TTLL3: variants seen among roughly 807,000 people sequenced by gnomAD.
TTLL3 encodes the protein tubulin monoglycylase TTLL3.
In TTLL3, 63 loss-of-function variants were observed where a neutral mutation model predicts 75.2. The ratio of observed to expected loss-of-function variants is 0.84; its 90% CI spans 0.68 to 1.03. The LOEUF is 1.03. TTLL3 is among the 50% of genes least tolerant of loss of function. The pLI is 0.00. For synonymous variants in TTLL3, 393 were observed against 418.5 expected, an observed-to-expected ratio of 0.94 and a Z score of 0.74; for missense variants, 997 against 1,069.9, an observed-to-expected ratio of 0.93 and a Z score of 0.95.
At chr3:9,820,517 G>A in intron 7 of TTLL3, 29 bp from the exon 8 acceptor site, 1 of 1,611,940 alleles carries the variant, frequency 6.2e-7, no homozygotes, top group Non-Finnish European at 8.5e-7. Flanking sequence ...CTTGATATGG[G>A]ATCGTGACAG....
At chr3:9,814,874 A>G (rs1290909462) in intron 4 of TTLL3, among the ~76,000 whole-genome samples, 2 of 152,018 alleles carry the variant, frequency 1.3e-5, no homozygotes, top group African/African-American at 2.4e-5. Flanking sequence ...TGTGGAGGAC[A>G]TGCACGTTGA....
At chr3:9,831,668 T>C (rs1374285390) in intron 11 of TTLL3, among the ~76,000 whole-genome samples, 1 of 152,244 alleles carries the variant, frequency 6.6e-6, no homozygotes, top group Non-Finnish European at 1.5e-5. Flanking sequence ...TTTATTAGAG[T>C]TGCAAAATGG....
chr3:9,812,918 G>T, intron 2 of TTLL3, 25 bp from the exon 3 acceptor site: 1 of 1,478,370 alleles, frequency 6.8e-7, no homozygotes, highest in African/African-American at 1.4e-5. Flanking sequence ...ACTTATTGAA[G>T]AAGTATCCTT....
chr3:9,810,694 G>T lies in TTLL3; in HGVS notation c.33G>T (p.Val11=). MNRLRNAKIY[V]ERAVKQKKIF... ...GGCTCAGAAACGCCAAAATCTACGT[G>T]GAGAGAGCTGTCAAGGTCAGAGGAG... is the stretch of plus-strand genomic sequence containing the variant. The change falls in exon 2 of 14, where the codon GTG becomes GTT. Residue 11 remains valine, a synonymous_variant. Transcript: ENST00000685419. This position sits in a 1 kb window ranked among gnomAD's most constrained non-coding sequence, Gnocchi z 4.4. The T allele has an allele frequency of 6.3e-7, 1 of 1,587,062 alleles. No individual in the cohort carries two copies.
chr3:9,816,150 C>G lies in TTLL3; in HGVS notation c.392C>G (p.Ser131Cys). 7.4e-7 allele frequency: 1 copy of G among 1,353,754 alleles called. No individual in the cohort carries two copies. Among genetic ancestry groups the G allele is most frequent in the Non-Finnish European group, 9.8e-7 (1 of 1,015,756 alleles). The allele number at this position is 1,353,754 out of a possible 1,614,324, so 83.9% of individuals were successfully genotyped here. Residue 131 changes from serine (S) to cysteine (C), a missense_variant, in exon 5 of 14, where the codon TCC (serine) becomes TGC (cysteine). Ser to Cys is a moderately radical substitution (Grantham distance 112, BLOSUM62 -1). Transcript: ENST00000685419. ...RRDVLDCRFL[S>C]KDQMINHYAR... Reference sequence around the variant, plus strand: ...GATGTGCTCGACTGTCGCTTCCTCTCCAAGGATCAGATGATAAACCACTAC... The same window carrying G: ...GATGTGCTCGACTGTCGCTTCCTCTGCAAGGATCAGATGATAAACCACTAC...
intron 12 of TTLL3, among the ~76,000 whole-genome samples, chr3:9,833,552 C>CA (rs1001117819): frequency 1.3e-5 from 2 of 152,172 alleles, no homozygotes; most frequent in African/African-American, 4.8e-5. Context: ...ACCATTCCCC[C>CA]AAAACACCCG....
In TTLL3 at chr3:9,812,999, C is replaced by T; in HGVS notation, c.105C>T (p.Arg35=). 2 of 1,563,058 alleles carry T rather than the reference C, an allele frequency of 1.3e-6. No homozygotes were observed. Among genetic ancestry groups the T allele is most frequent in the Non-Finnish European group, 1.7e-6 (2 of 1,153,472 alleles). The change falls in exon 3 of 14, where the codon CGC becomes CGT. Residue 35 remains arginine, a synonymous_variant. Coordinates refer to ENST00000685419, the MANE Select transcript of TTLL3 (RefSeq NM_001387446.1). ...GCYPVIRCLL[R]RRGWVEKKMV... ...ACCCGGTGATCCGGTGTCTCTTGCG[C>T]CGGAGGGGCTGGGTGGAGAAGAAGA...
chr3:9,833,216 C>G lies in TTLL3; in HGVS notation c.1796C>G (p.Pro599Arg). ...CGGATGGGGGTCCGCCCAGCAGTCC[C>G]TCTGCTGACCCAGCGAGGCTCTGGG... ...HRRMGVRPAV[P>R]LLTQRGSGEA... The change falls in exon 12 of 14, where the codon CCT (proline) becomes CGT (arginine). Residue 599 changes from proline (P) to arginine (R), a missense_variant. Coordinates refer to ENST00000685419, the MANE Select transcript of TTLL3 (RefSeq NM_001387446.1). 1 of 1,614,078 alleles carries G rather than the reference C, an allele frequency of 6.2e-7. No homozygotes were observed. Among genetic ancestry groups the G allele is most frequent in the Non-Finnish European group, 8.5e-7 (1 of 1,179,988 alleles).
At chr3:9,834,547 G>A (rs992355591) in intron 12 of TTLL3, 134 bp from the exon 13 acceptor site, 1 of 1,388,126 alleles carries the variant, frequency 7.2e-7, no homozygotes, top group Non-Finnish European at 9.9e-7. Context: ...GCCTCTGGAG[G>A]AGGAACCGGG....
At position 9,827,246 on chromosome 3, in the gene TTLL3, C is replaced by A. The variant is rs1433967437; in HGVS notation, c.1247+6C>A. ...TCCCTGAAGAACCTGGACAAGTGAG[C>A]CCCTCTGCTCGCCTCCCACGAGCTC... On this transcript the variant is annotated splice_donor_region_variant and intron_variant, in intron 10 of 13. Coordinates refer to ENST00000685419, the MANE Select transcript of TTLL3 (RefSeq NM_001387446.1). 1 of 1,612,224 alleles carries A rather than the reference C, an allele frequency of 6.2e-7. No homozygotes were observed. The highest frequency in any genetic ancestry group is 1.1e-5 in the South Asian group (1 of 91,036).
In TTLL3 at chr3:9,810,538, T is replaced by A. The variant is rs1011410851; in HGVS notation, c.-41-83T>A. 1 of 1,484,802 alleles carries A rather than the reference T, an allele frequency of 6.7e-7. No individual in the cohort carries two copies. The highest frequency in any genetic ancestry group is 2.5e-5 in the East Asian group (1 of 39,224). The allele number at this position is 1,484,802 out of a possible 1,614,324, so 92.0% of individuals were successfully genotyped here. A position where few individuals can be genotyped will look rare whatever the true frequency, so the allele number is the denominator to read the frequency against. ...GCAGGAGGAAGAAAAGAGGCGTGGC[T>A]ATGGGCGGCCAGAAAAGATCCTAGG... On this transcript the variant is annotated intron_variant, in intron 1 of 13. Coordinates refer to ENST00000685419, the MANE Select transcript of TTLL3 (RefSeq NM_001387446.1). This position sits in a 1 kb window ranked among gnomAD's most constrained non-coding sequence, Gnocchi z 4.4.
In TTLL3 at chr3:9,828,972, G is replaced by C. The variant is rs761226364; in HGVS notation, c.1260G>C (p.Leu420=). 1.2e-6 allele frequency: 2 copies of C among 1,614,208 alleles called. No homozygotes were observed. Among genetic ancestry groups the C allele is most frequent in the Non-Finnish European group, 1.7e-6 (2 of 1,180,046 alleles). The change falls in exon 11 of 14, where the codon CTG becomes CTC. Residue 420 remains leucine (L), a synonymous_variant. Coordinates refer to ENST00000685419, the MANE Select transcript of TTLL3 (RefSeq NM_001387446.1). ...SLKNLDNSVH[L]CNNSIQKHLE... ...TTCTCTGCCCCAGCTCAGTGCACCT[G>C]TGCAACAACTCCATCCAGAAGCACC...
chr3:9,834,336 C>G, intron 12 of TTLL3: 1 of 513,160 alleles, frequency 1.9e-6, no homozygotes, highest in South Asian at 1.5e-5. Flanking sequence ...ATGTCCAGCA[C>G]TTAACAGTTT....
intron 12 of TTLL3, chr3:9,834,003 T>C (rs2081839983): frequency 1.0e-5 from 2 of 195,048 alleles, no homozygotes; most frequent in South Asian, 1.7e-4. Context: ...TCCCAGCTAC[T>C]TGGGAGACTG....
chr3:9,833,737 C>T (rs974976625), intron 12 of TTLL3, among the ~76,000 whole-genome samples: 1 of 152,114 alleles, frequency 6.6e-6, no homozygotes. Context: ...CCAGGCTACT[C>T]GCGAGGCTAA....
At chr3:9,834,594 C>A (rs1023532126) in intron 12 of TTLL3, 87 bp from the exon 13 acceptor site, 3 of 1,568,714 alleles carry the variant, frequency 1.9e-6, no homozygotes, top group African/African-American at 1.4e-5. Flanking sequence ...CCCTCCATAT[C>A]CCCCCATCCT....
intron 8 of TTLL3, among the ~76,000 whole-genome samples, chr3:9,822,444 A>G (rs1443315989): frequency 6.6e-6 from 1 of 152,082 alleles, no homozygotes; most frequent in African/African-American, 2.4e-5. Flanking sequence ...GGGATTACAT[A>G]AAACATTGCA....
In TTLL3 at chr3:9,810,576, G is replaced by A. The variant is rs1471996167; in HGVS notation, c.-41-45G>A. 1.3e-6 allele frequency: 2 copies of A among 1,542,926 alleles called. No homozygotes were observed. Among genetic ancestry groups the A allele is most frequent in the East Asian group, 4.9e-5 (2 of 40,706 alleles). On this transcript the variant is annotated intron_variant, in intron 1 of 13. Coordinates refer to ENST00000685419, the MANE Select transcript of TTLL3 (RefSeq NM_001387446.1). The surrounding 1 kb of genome is among the most constrained non-coding windows in gnomAD (Gnocchi z 4.4). ...AAAAGATCCTAGGCCGAGACCCTAG[G>A]CCCAGCCTCAGTGTACCCCGCCCCT...
chr3:9,835,282 C>T lies in TTLL3; in HGVS notation c.2241C>T (p.Pro747=), dbSNP rs747902949. The T allele has an allele frequency of 1.5e-5, 25 of 1,614,070 alleles. No homozygotes were observed. The highest frequency in any genetic ancestry group is 4.0e-5 in the African/African-American group (3 of 74,926). ...GGCTGAGCCCCCTGAAACCCCTGCC[C>T]CTTGTTGGTACATTCCAGAGGCGCA... The part of the protein sequence containing the change: ...MKRLSPLKPL[P]LVGTFQRRRG... The change falls in exon 14 of 14, where the codon CCC becomes CCT. Residue 747 remains proline, a synonymous_variant. Coordinates refer to ENST00000685419, the MANE Select transcript of TTLL3 (RefSeq NM_001387446.1).
Sources: allele counts gnomAD v4.1 joint callset (sites outside exome capture counted in the v4.1 genomes callset), GRCh38; gene constraint gnomAD v4.1.1; non-coding constraint Gnocchi (gnomAD v3.1); transcripts MANE v1.5; gene names NCBI Gene and HGNC (gene_info 2026-07-23, HGNC 2026-07-21).